The following SCAI variants were observed in gnomAD, a reference collection of about 807,000 sequenced individuals.
SCAI encodes the protein suppressor of cancer cell invasion, also known as protein SCAI.
SCAI carries 24 observed loss-of-function variants against 92.2 expected under a neutral mutation model. The observed-to-expected ratio is 0.26, with a 90% CI of 0.19 to 0.37. SCAI has a LOEUF of 0.37. Among genes scored for constraint, SCAI ranks in the 10% least tolerant of loss-of-function variants. SCAI has a pLI of 1.00. For synonymous variants in SCAI, 261 were observed against 258.6 expected (o/e 1.01, Z -0.09); for missense variants, 450 against 736.2 (o/e 0.61, Z 4.50).
intron 13 of SCAI, among the ~76,000 whole-genome samples, chr9:124,996,501 T>C (rs1166274751): frequency 1.3e-5 from 2 of 151,856 alleles, no homozygotes; most frequent in Non-Finnish European, 2.9e-5. Context: ...CAAGATCCTC[T>C]TATGTTGCCA....
At chr9:125,059,916 C>T (rs540808910) in intron 2 of SCAI, among the ~76,000 whole-genome samples, 4 of 152,160 alleles carry the variant, frequency 2.6e-5, no homozygotes, top group Non-Finnish European at 5.9e-5. Flanking sequence ...CGCTATTCCC[C>T]TGGCCTATTT....
intron 2 of SCAI, among the ~76,000 whole-genome samples, chr9:125,087,600 C>T (rs755566024): frequency 1.3e-5 from 2 of 152,154 alleles, no homozygotes; most frequent in African/African-American, 2.4e-5. Context: ...TAAAGACATT[C>T]TAGAAAAATA....
In SCAI at chr9:124,994,918, C is replaced by A; in HGVS notation, c.1326+16G>T. 1 of 1,588,726 alleles carries A rather than the reference C, an allele frequency of 6.3e-7. No homozygotes were observed. The highest frequency in any genetic ancestry group is 1.1e-5 in the South Asian group (1 of 89,570). On this transcript the variant is annotated intron_variant, in intron 14 of 17. Coordinates refer to ENST00000336505, the MANE Select transcript of SCAI (RefSeq NM_001144877.3). ...GCCACAATGTCTACCTGTGCAATAG[C>A]TCTCATGGAACTCACCTTATACGCA...
intron 14 of SCAI, among the ~76,000 whole-genome samples, chr9:124,986,576 T>C (rs755246946): frequency 5.1e-4 from 78 of 152,056 alleles, no homozygotes; most frequent in Non-Finnish European, 2.1e-4. Flanking sequence ...TGGAGCTCCA[T>C]AAGGTGAGGA....
chr9:124,971,400 T>C lies in SCAI; in HGVS notation c.1644A>G (p.Ser548=), dbSNP rs753134933. Residue 548 remains serine, a synonymous_variant, in exon 17 of 18, where the codon TCA becomes TCG. Coordinates refer to ENST00000336505, the MANE Select transcript of SCAI (RefSeq NM_001144877.3). ...RLLLTRFIFC[S]ATMRMHKIFR... ...AAATCTTGTGCATCCTCATGGTGGCTGAACAAAAGATAAATCTTGTGAGGA... is the reference window on the plus strand; with the variant it reads ...AAATCTTGTGCATCCTCATGGTGGCCGAACAAAAGATAAATCTTGTGAGGA... 13 of 1,612,110 alleles carry C rather than the reference T, an allele frequency of 8.1e-6. No homozygotes were observed. The East Asian group carries it at 2.9e-4, about 36-fold the overall frequency.
rs946610054 is a variant in SCAI, at chr9:125,122,142, T to G, written c.98+20491A>C. Among the ~76,000 whole-genome samples the G allele has an allele frequency of 6.6e-5, 10 of 152,214 alleles. No individual in the cohort carries two copies. In the South Asian group the frequency reaches 1.0e-3, roughly 16 times the overall value. On this transcript the variant is annotated intron_variant, in intron 2 of 17. Coordinates refer to ENST00000336505, the MANE Select transcript of SCAI (RefSeq NM_001144877.3). ...TGAAAAGACTAAGACTAAGAAATTT[T>G]TAAGGACTTCATTTTCAGGAATGTG...
At position 125,070,397 on chromosome 9, in the gene SCAI, CTT is replaced by C. The variant is rs34011891; in HGVS notation, c.99-14392_99-14391del. Among the ~76,000 whole-genome samples, 804 of 118,258 alleles carry C rather than the reference CTT, an allele frequency of 6.8e-3. 5 individuals are homozygous for C. The highest frequency in any genetic ancestry group is 0.014 in the African/African-American group (433 of 31,288). The allele number at this position is 118,258 out of a possible 152,430, so 77.6% of individuals were successfully genotyped here. A position where few individuals can be genotyped will look rare whatever the true frequency, so the allele number is the denominator to read the frequency against. ...ACACAAATTATTTTCTAAAAACAAT[CTT>C]TTTTTTTTTTTTTTTTTTGAGACAT... On this transcript the variant is annotated intron_variant, in intron 2 of 17. Transcript: ENST00000336505.
intron 14 of SCAI, among the ~76,000 whole-genome samples, chr9:124,988,367 AAGAC>A (rs998168845): frequency 3.9e-5 from 6 of 152,112 alleles, no homozygotes; most frequent in South Asian, 2.1e-4. Flanking sequence ...TCTAATGAGA[AAGAC>A]AGAGGCAAAA....
At chr9:125,102,467 T>C (rs1467586082) in intron 2 of SCAI, among the ~76,000 whole-genome samples, 1 of 152,182 alleles carries the variant, frequency 6.6e-6, no homozygotes. Flanking sequence ...CCACCACCTG[T>C]GCACTGGATT....
intron 12 of SCAI, among the ~76,000 whole-genome samples, chr9:125,000,350 T>C (rs1832329789): frequency 6.6e-6 from 1 of 152,136 alleles, no homozygotes; most frequent in African/African-American, 2.4e-5. Flanking sequence ...TTTAACAATA[T>C]TATTTTAAAA....
intron 17 of SCAI, among the ~76,000 whole-genome samples, chr9:124,959,624 T>C (rs1467786585): frequency 1.3e-5 from 2 of 151,768 alleles, no homozygotes; most frequent in African/African-American, 4.8e-5. Context: ...CATGTTGGTG[T>C]GCTGCACCCA....
intron 17 of SCAI, chr9:124,968,341 T>C: frequency 1.7e-6 from 2 of 1,206,496 alleles, no homozygotes. Flanking sequence ...TCCAGTTTGG[T>C]TTTTAAGGCT....
rs1834428146 is a variant in SCAI at position 125,091,561 on chromosome 9, T to C, written c.99-35554A>G. On this transcript the variant is annotated intron_variant, in intron 2 of 17. Coordinates refer to ENST00000336505, the MANE Select transcript of SCAI (RefSeq NM_001144877.3). This position sits in a 1 kb window ranked among gnomAD's most constrained non-coding sequence, Gnocchi z 4.3. The stretch of plus-strand genomic sequence containing the variant: ...TATTTAGTTTTATTTATCACTCAGT[T>C]AAATCCAACATTCTACCTACTCCAT... Among the ~76,000 whole-genome samples the C allele has an allele frequency of 6.6e-6, 1 of 152,194 alleles. No homozygotes were observed. Among genetic ancestry groups the C allele is most frequent in the Admixed American group, 6.5e-5 (1 of 15,280 alleles).
At chr9:125,099,325 T>C (rs923297032) in intron 2 of SCAI, among the ~76,000 whole-genome samples, 2 of 151,954 alleles carry the variant, frequency 1.3e-5, no homozygotes, top group African/African-American at 4.8e-5. Context: ...CATCACTCTA[T>C]TGCCCAGGCT....
chr9:124,977,665 C>A (rs1052688706), intron 14 of SCAI, among the ~76,000 whole-genome samples: 1 of 152,158 alleles, frequency 6.6e-6, no homozygotes, highest in Admixed American at 6.5e-5. Context: ...CAGAGCGAGA[C>A]CCTGTCTCAA....
intron 14 of SCAI, 88 bp from the exon 15 acceptor site, chr9:124,976,274 T>C: frequency 1.1e-6 from 1 of 902,182 alleles, no homozygotes; most frequent in Non-Finnish European, 1.8e-6. Context: ...TTTTAGTGTA[T>C]AGATTGGGCC....
chr9:125,128,633 G>A (rs1311156399), intron 2 of SCAI, among the ~76,000 whole-genome samples: 1 of 151,764 alleles, frequency 6.6e-6, no homozygotes, highest in Admixed American at 6.6e-5. Context: ...TGTGCCTGTG[G>A]TCCCAGCTGC....
At chr9:125,125,220 T>C (rs1054614544) in intron 2 of SCAI, among the ~76,000 whole-genome samples, 2 of 150,644 alleles carry the variant, frequency 1.3e-5, no homozygotes, top group African/African-American at 4.9e-5. Context: ...AACTCTGTCT[T>C]AAAAAAAATA....
chr9:125,109,829 G>A (rs1313306435), intron 2 of SCAI, among the ~76,000 whole-genome samples: 4 of 152,130 alleles, frequency 2.6e-5, no homozygotes, highest in Non-Finnish European at 5.9e-5. Context: ...TGAGATTACA[G>A]GCACGCACCA....
Sources: allele counts gnomAD v4.1 joint callset (sites outside exome capture counted in the v4.1 genomes callset), GRCh38; gene constraint gnomAD v4.1.1; non-coding constraint Gnocchi (gnomAD v3.1); transcripts MANE v1.5; gene names NCBI Gene and HGNC (gene_info 2026-07-23, HGNC 2026-07-21).